Variants in FMO1 observed in about 807,000 individuals in gnomAD.
FMO1 encodes flavin-containing monooxygenase 1.
FMO1 carries 36 observed loss-of-function variants against 45.4 expected under a neutral mutation model. The observed-to-expected ratio is 0.79, with a 90% CI of 0.61 to 1.05. FMO1 has a LOEUF of 1.05. FMO1 is among the 50% of genes least tolerant of loss of function. The probability of loss-of-function intolerance (pLI) is 0.00; values close to 1 mark genes in which losing one functional copy is unlikely to be tolerated. For synonymous variants in FMO1, 228 were observed against 227.2 expected (o/e 1.00, Z -0.03); for missense variants, 615 against 640.3 (o/e 0.96, Z 0.43).
Position 171,258,214 on chromosome 1 carries a change from T to A in FMO1, c.127T>A (p.Phe43Ile). The A allele has an allele frequency of 6.2e-7, 1 of 1,614,072 alleles. No homozygotes were observed. Among genetic ancestry groups the A allele is most frequent in the Non-Finnish European group, 8.5e-7 (1 of 1,180,002 alleles). The change falls in exon 2 of 9, where the codon TTC becomes ATC. Residue 43 changes from phenylalanine to isoleucine, a missense_variant. Transcript: ENST00000617670. ...RSDDLGGLWR[F>I]TEHVEEGRAS... ...CGATGACCTTGGGGGGCTGTGGAGA[T>A]TCACCGTAAGTGGGGTTTCAACAAC...
intron 2 of FMO1, 36 bp downstream of exon 2, chr1:171,258,255 G>T: frequency 6.2e-7 from 1 of 1,604,686 alleles, no homozygotes; most frequent in South Asian, 1.1e-5. Context: ...CTGTCTATTG[G>T]AGAATGGCTT....
intron 1 of FMO1, among the ~76,000 whole-genome samples, chr1:171,255,672 C>T (rs973075572): frequency 9.2e-5 from 14 of 152,174 alleles, no homozygotes; most frequent in African/African-American, 3.1e-4. Context: ...CCAGGCCCCC[C>T]TCTACTGGCC....
chr1:171,263,765 G>C (rs1170252889), intron 2 of FMO1, among the ~76,000 whole-genome samples: 1 of 152,190 alleles, frequency 6.6e-6, no homozygotes, highest in African/African-American at 2.4e-5. Context: ...CCCCCCACCA[G>C]GTACAATTCC....
intron 3 of FMO1, among the ~76,000 whole-genome samples, chr1:171,269,557 A>G (rs1660763680): frequency 6.6e-6 from 1 of 152,226 alleles, no homozygotes; most frequent in Admixed American, 6.5e-5. Flanking sequence ...AAAGAATCCA[A>G]GTCAAAATTA....
At chr1:171,283,315 A>AT (rs1661471670) in intron 8 of FMO1, 99 bp downstream of exon 8, 1 of 614,982 alleles carries the variant, frequency 1.6e-6, no homozygotes, top group African/African-American at 2.0e-5. Context: ...AAAAAGAAAA[A>AT]AAAACAATAG....
At chr1:171,279,368 T>C (rs1464395055) in intron 5 of FMO1, among the ~76,000 whole-genome samples, 1 of 152,194 alleles carries the variant, frequency 6.6e-6, no homozygotes, top group African/African-American at 2.4e-5. Flanking sequence ...GTGTTTTTAC[T>C]GCACTACTTT....
chr1:171,259,064 G>C (rs1191098600), intron 2 of FMO1, among the ~76,000 whole-genome samples: 1 of 152,170 alleles, frequency 6.6e-6, no homozygotes, highest in African/African-American at 2.4e-5. Flanking sequence ...TTTCCCATGA[G>C]CTTTAAATTT....
chr1:171,274,842 A>C (rs1485139389), intron 3 of FMO1, among the ~76,000 whole-genome samples: 1 of 152,248 alleles, frequency 6.6e-6, no homozygotes, highest in Non-Finnish European at 1.5e-5. Flanking sequence ...ACTCTCAAAA[A>C]AATTCAGGCC....
intron 3 of FMO1, chr1:171,271,204 A>G: frequency 1.1e-6 from 1 of 878,054 alleles, no homozygotes; most frequent in Non-Finnish European, 1.9e-6. Flanking sequence ...CATCTCTCCC[A>G]GTTTCTTCAC....
Position 171,285,351 on chromosome 1 carries a change from C to T in FMO1, c.1406C>T (p.Ser469Leu). ...CTGACCGTCTTCTTTGGCCCATGCT[C>T]ACCATACCAGTTCCGCTTGACTGGC... Reference protein sequence around the residue: ...LALTVFFGPCSPYQFRLTGPG... With the variant: ...LALTVFFGPCLPYQFRLTGPG... Residue 469 changes from serine to leucine, a missense_variant, in exon 9 of 9, where the codon TCA (serine) becomes TTA (leucine). Physicochemically the swap from Ser to Leu is moderately radical, Grantham distance 145. Transcript: ENST00000617670. 1.6e-5 allele frequency: 26 copies of T among 1,614,018 alleles called. No homozygotes were observed. Among genetic ancestry groups the T allele is most frequent in the Non-Finnish European group, 2.1e-5 (25 of 1,179,960 alleles).
At chr1:171,263,916 G>T (rs1266276787) in intron 2 of FMO1, among the ~76,000 whole-genome samples, 1 of 152,114 alleles carries the variant, frequency 6.6e-6, no homozygotes, top group Non-Finnish European at 1.5e-5. Context: ...TTCAGAAGGG[G>T]CAGGGACTCA....
At chr1:171,249,776 C>T (rs1361134928) in intron 1 of FMO1, among the ~76,000 whole-genome samples, 2 of 151,952 alleles carry the variant, frequency 1.3e-5, no homozygotes, top group East Asian at 1.9e-4. Context: ...AAATAGAGGG[C>T]TGGATACAAA....
At chr1:171,248,970 CT>C (rs10717049) in intron 1 of FMO1, among the ~76,000 whole-genome samples, 66,892 of 146,368 alleles carry the variant, frequency 0.46, 15,386 homozygotes, top group East Asian at 0.61. Flanking sequence ...GGAAAAGTCT[CT>C]TTTTTTTTTT....
At chr1:171,260,478 G>T (rs1412980397) in intron 2 of FMO1, among the ~76,000 whole-genome samples, 3 of 152,122 alleles carry the variant, frequency 2.0e-5, no homozygotes, top group Non-Finnish European at 4.4e-5. Context: ...CCAGAGATTG[G>T]AGGGGAAGGG....
Position 171,283,205 on chromosome 1 carries a change from C to T in FMO1, c.1245C>T (p.Asn415=). Residue 415 remains asparagine (N), a synonymous_variant, in exon 8 of 9, where the codon AAC becomes AAT. Transcript: ENST00000617670. ...MIEEINARKE[N]KPSWFGLCYC... ...AGGAAATTAATGCAAGGAAAGAAAA[C>T]AAGCCCAGTTGGTAAGTTAACTACT... The T allele has an allele frequency of 7.9e-7, 1 of 1,262,192 alleles. No homozygotes were observed. The allele number at this position is 1,262,192 out of a possible 1,614,324, so 78.2% of individuals were successfully genotyped here.
At chr1:171,258,056 A>T in intron 1 of FMO1, 26 bp from the exon 2 acceptor site, 1 of 1,613,586 alleles carries the variant, frequency 6.2e-7, no homozygotes, top group Non-Finnish European at 8.5e-7. Flanking sequence ...TGTGAATAAA[A>T]AGCCTGCTTC....
In FMO1 at chr1:171,280,005, A is replaced by G. The variant is rs1387775988; in HGVS notation, c.628-781A>G. Among the ~76,000 whole-genome samples the G allele has an allele frequency of 2.0e-5, 3 of 152,242 alleles. No individual in the cohort carries two copies. In the East Asian group the frequency reaches 5.8e-4, roughly 29 times the overall value. On this transcript the variant is annotated intron_variant, in intron 5 of 8. Transcript: ENST00000617670. ...ACGAAGTGATCTCTCCCTATTCAGA[A>G]TGTAAGTAATATTGTAATTTGCACC...
intron 8 of FMO1, 38 bp from the exon 9 acceptor site, chr1:171,285,164 T>C (rs777480401): frequency 1.5e-6 from 2 of 1,374,570 alleles, no homozygotes; most frequent in East Asian, 2.4e-5. Flanking sequence ...ATCAGTTTTT[T>C]TGTCTTCACC....
chr1:171,285,183 C>T lies in FMO1; in HGVS notation c.1257-19C>T, dbSNP rs769721524. On this transcript the variant is annotated intron_variant, in intron 8 of 8. Coordinates refer to ENST00000617670, the MANE Select transcript of FMO1 (RefSeq NM_001282693.2). Reference sequence around the variant, plus strand: ...GTTTTTTTGTCTTCACCTTTTCCCCCAATCTTCCTTTTATAAAGGTTTGGC... The same window carrying T: ...GTTTTTTTGTCTTCACCTTTTCCCCTAATCTTCCTTTTATAAAGGTTTGGC... 3.4e-5 allele frequency: 51 copies of T among 1,494,560 alleles called. No homozygotes were observed. The highest frequency in any genetic ancestry group is 4.2e-5 in the Non-Finnish European group (47 of 1,107,664). 92.6% of individuals were successfully genotyped at this position (1,494,560 alleles called of 1,614,324 possible).
Sources: allele counts gnomAD v4.1 joint callset (sites outside exome capture counted in the v4.1 genomes callset), GRCh38; gene constraint gnomAD v4.1.1; transcripts MANE v1.5; gene names NCBI Gene and HGNC (gene_info 2026-07-23, HGNC 2026-07-21).